Variants in PLA2G2F observed in about 807,000 individuals in gnomAD.
The protein encoded by PLA2G2F is group IIF secretory phospholipase A2.
In PLA2G2F, 17 loss-of-function variants were observed where a neutral mutation model predicts 15.9. The observed-to-expected ratio is 1.07, with a 90% confidence interval of 0.73 to 1.60. The LOEUF is 1.60. Among genes scored for constraint, PLA2G2F ranks in the 40% most tolerant of loss-of-function variants. The pLI, the probability that PLA2G2F is intolerant of heterozygous loss-of-function variation, is 0.00. For missense variants in PLA2G2F, 299 were observed against 278.2 expected (o/e 1.07, Z -0.53); for synonymous variants, 119 against 106.5 (o/e 1.12, Z -0.72).
chr1:20,147,004 T>A (rs2017627632), intron 4 of PLA2G2F, among the ~76,000 whole-genome samples: 2 of 152,188 alleles, frequency 1.3e-5, no homozygotes. Context: ...GTGTATTTTA[T>A]CATTAAGCAG....
At chr1:20,144,462 T>G (rs1281321445) in intron 3 of PLA2G2F, 118 bp from the exon 4 acceptor site, 3 of 737,562 alleles carry the variant, frequency 4.1e-6, no homozygotes, top group Non-Finnish European at 7.0e-6. Context: ...TGTCCCTCTC[T>G]GGGCTTCAGT....
At chr1:20,147,127 G>A (rs891767769) in intron 4 of PLA2G2F, among the ~76,000 whole-genome samples, 5 of 152,172 alleles carry the variant, frequency 3.3e-5, no homozygotes, top group Admixed American at 3.3e-4. Flanking sequence ...GCTAGTTGGA[G>A]GTTCTCAAAG....
Position 20,148,374 on chromosome 1 carries a change from A to T in PLA2G2F, c.609A>T (p.Gln203His). The change falls in exon 5 of 5, where the codon CAA (glutamine) becomes CAT (histidine). Residue 203 changes from glutamine (Q) to histidine (H), a missense_variant. Transcript: ENST00000375102. The stretch of plus-strand genomic sequence containing the variant: ...CTGAGGAGGTCACCTGCAGTCACCA[A>T]TCCCCAGCGCCCCCCGCCCCTCCCT... ...PPPEEVTCSH[Q>H]SPAPPAPP is the part of the protein sequence containing the mutation. 1.2e-6 allele frequency: 2 copies of T among 1,612,946 alleles called. No homozygotes were observed. Among genetic ancestry groups the T allele is most frequent in the Non-Finnish European group, 1.7e-6 (2 of 1,179,430 alleles).
intron 3 of PLA2G2F, among the ~76,000 whole-genome samples, chr1:20,144,314 G>T (rs2017540087): frequency 6.6e-6 from 1 of 152,186 alleles, no homozygotes; most frequent in African/African-American, 2.4e-5. Context: ...GAGCCCTGTG[G>T]ATAGAACAAA....
chr1:20,141,249 T>A (rs556769600), intron 2 of PLA2G2F: 1 of 152,378 alleles, frequency 6.6e-6, no homozygotes, highest in African/African-American at 2.4e-5. Context: ...CTCCCCTGGA[T>A]GCGTTGTGTA....
chr1:20,139,511 CTTCGGG>C lies in PLA2G2F; in HGVS notation c.85_90del (p.Phe29_Gly30del), dbSNP rs2017416012. Reference sequence around the variant, plus strand: ...GCTTCTCTGGGTGGAGGGGCCCACGCTTCGGGGCCTCCTGTCCTTCAAGAACCTCCA... The same window carrying C: ...GCTTCTCTGGGTGGAGGGGCCCACGCGCCTCCTGTCCTTCAAGAACCTCCA... On this transcript the variant is annotated inframe_deletion, in exon 1 of 5. Transcript: ENST00000375102. 6.4e-7 allele frequency: 1 copy of C among 1,569,906 alleles called. No homozygotes were observed. Among genetic ancestry groups the C allele is most frequent in the African/African-American group, 1.4e-5 (1 of 73,642 alleles).
At position 20,148,197 on chromosome 1, in the gene PLA2G2F, C is replaced by T; in HGVS notation, c.432C>T (p.Leu144=). ...CACCCCATCCCCCTGTAGGTGACCT[C>T]AACAAGACAGAGTGTGACAAGCAGA... ...ENNTEIVCSD[L]NKTECDKQTC... The change falls in exon 5 of 5, where the codon CTC becomes CTT. Residue 144 remains leucine, a synonymous_variant. Transcript: ENST00000375102. The T allele has an allele frequency of 6.2e-7, 1 of 1,614,012 alleles. No individual in the cohort carries two copies. The highest frequency in any genetic ancestry group is 2.2e-5 in the East Asian group (1 of 44,848).
At position 20,148,290 on chromosome 1, in the gene PLA2G2F, C is replaced by A. The variant is rs1326435847; in HGVS notation, c.525C>A (p.Gly175=). 1 of 1,613,966 alleles carries A rather than the reference C, an allele frequency of 6.2e-7. No individual in the cohort carries two copies. The highest frequency in any genetic ancestry group is 1.3e-5 in the African/African-American group (1 of 74,896). ...AGACGTACCGAGAGGAGTACCGTGG[C>A]TTCCTCAATGTCTACTGCCAGGGCC... ...MNQTYREEYR[G]FLNVYCQGPT... The change falls in exon 5 of 5, where the codon GGC becomes GGA. Residue 175 remains glycine, a synonymous_variant. Transcript: ENST00000375102.
In PLA2G2F at chr1:20,150,341, C is replaced by G. The variant is rs1230340373; in HGVS notation, c.*1940C>G. 1 of 152,374 alleles carries G rather than the reference C, an allele frequency of 6.6e-6. No individual in the cohort carries two copies. Among genetic ancestry groups the G allele is most frequent in the Non-Finnish European group, 1.5e-5 (1 of 68,162 alleles). 9.4% of individuals were successfully genotyped at this position (152,374 alleles called of 1,614,324 possible). A position where few individuals can be genotyped will look rare whatever the true frequency, so the allele number is the denominator to read the frequency against. ...GCTCCTGGATAATCTCCACAGGACT[C>G]GGCTTCCTCTCCTCAAATGAATAAA... is the stretch of plus-strand genomic sequence containing the variant. On this transcript the variant is annotated 3_prime_UTR_variant, in exon 5 of 5. Transcript: ENST00000375102.
intron 3 of PLA2G2F, 34 bp downstream of exon 3, chr1:20,143,624 C>T (rs781505996): frequency 1.2e-6 from 2 of 1,605,522 alleles, no homozygotes; most frequent in South Asian, 2.2e-5. Flanking sequence ...CTGTCAGGGG[C>T]CAAATGAGGA....
intron 1 of PLA2G2F, 59 bp from the exon 2 acceptor site, chr1:20,140,107 T>C: frequency 6.4e-7 from 1 of 1,573,380 alleles, no homozygotes; most frequent in Non-Finnish European, 8.7e-7. Context: ...GAGCAGCAGG[T>C]CCAACACTGC....
chr1:20,139,509 C>T lies in PLA2G2F; in HGVS notation c.82C>T (p.Arg28Cys), dbSNP rs202089729. ...DRCFSGWRGP[R>C]FGASCPSRTS... ...ATGCTTCTCTGGGTGGAGGGGCCCA[C>T]GCTTCGGGGCCTCCTGTCCTTCAAG... is the stretch of plus-strand genomic sequence containing the variant. The change falls in exon 1 of 5, where the codon CGC becomes TGC. Residue 28 changes from arginine to cysteine, a missense_variant. Arg to Cys is a radical substitution (Grantham distance 180, BLOSUM62 -3). Transcript: ENST00000375102. 51 of 1,570,948 alleles carry T rather than the reference C, an allele frequency of 3.2e-5. No homozygotes were observed. The highest frequency in any genetic ancestry group is 1.7e-4 in the Middle Eastern group (1 of 6,004).
rs767709379 is a variant in PLA2G2F at position 20,140,200 on chromosome 1, G to A, written c.151G>A (p.Ala51Thr). The change falls in exon 2 of 5, where the codon GCC becomes ACC. Residue 51 changes from alanine (A) to threonine (T), a missense_variant. Physicochemically the swap from Ala to Thr is moderately conservative, Grantham distance 58. Coordinates refer to ENST00000375102, the MANE Select transcript of PLA2G2F (RefSeq NM_022819.4). The stretch of plus-strand genomic sequence containing the variant: ...GGGTATGAAGAAGTTCTTCACCGTG[G>A]CCATCCTTGCTGGCAGCGGTGAGTA... The part of the protein sequence containing the change: ...SLGMKKFFTV[A>T]ILAGSVLSTA... 2.5e-6 allele frequency: 4 copies of A among 1,613,876 alleles called. No individual in the cohort carries two copies. The Admixed American group carries it at 6.7e-5, about 27-fold the overall frequency.
intron 3 of PLA2G2F, among the ~76,000 whole-genome samples, 175 bp from the exon 4 acceptor site, chr1:20,144,405 G>A (rs563659796): frequency 6.6e-6 from 1 of 152,194 alleles, no homozygotes; most frequent in African/African-American, 2.4e-5. Flanking sequence ...CAGAACCTGG[G>A]GTGCCGGCCC....
intron 3 of PLA2G2F, among the ~76,000 whole-genome samples, 177 bp from the exon 4 acceptor site, chr1:20,144,402 TG>T (rs771054839): frequency 1.3e-5 from 2 of 152,170 alleles, no homozygotes; most frequent in Non-Finnish European, 2.9e-5. Flanking sequence ...AATCAGAACC[TG>T]GGGTGCCGGC....
At chr1:20,139,984 C>CT (rs2017427115) in intron 1 of PLA2G2F, among the ~76,000 whole-genome samples, 182 bp from the exon 2 acceptor site, 1 of 152,124 alleles carries the variant, frequency 6.6e-6, no homozygotes, top group Non-Finnish European at 1.5e-5. Context: ...GCTCTGCCAT[C>CT]TGGGGTGCGC....
rs2100700400 is a variant in PLA2G2F at position 20,150,358 on chromosome 1, A to G, written c.*1957A>G. 1 of 152,294 alleles carries G rather than the reference A, an allele frequency of 6.6e-6. No individual in the cohort carries two copies. Among genetic ancestry groups the G allele is most frequent in the East Asian group, 1.9e-4 (1 of 5,164 alleles). The allele number at this position is 152,294 out of a possible 1,614,324, so 9.4% of individuals were successfully genotyped here. ...ACAGGACTCGGCTTCCTCTCCTCAA[A>G]TGAATAAAGGCCTCCTACCTCAACT... On this transcript the variant is annotated 3_prime_UTR_variant, in exon 5 of 5. Transcript: ENST00000375102.
intron 2 of PLA2G2F, 98 bp from the exon 3 acceptor site, chr1:20,143,348 T>A: frequency 2.8e-6 from 4 of 1,421,774 alleles, no homozygotes; most frequent in Non-Finnish European, 2.9e-6. Context: ...CTACCCTAGG[T>A]ATTGGGAGGA....
At chr1:20,147,776 T>C (rs1224323920) in intron 4 of PLA2G2F, among the ~76,000 whole-genome samples, 1 of 152,154 alleles carries the variant, frequency 6.6e-6, no homozygotes, top group East Asian at 1.9e-4. Context: ...TGGGCGTTCT[T>C]TGATTCTGTG....
Sources: allele counts gnomAD v4.1 joint callset (sites outside exome capture counted in the v4.1 genomes callset), GRCh38; gene constraint gnomAD v4.1.1; transcripts MANE v1.5; gene names NCBI Gene and HGNC (gene_info 2026-07-23, HGNC 2026-07-21).